Variants in LPP observed in about 807,000 individuals in gnomAD.
LPP encodes lipoma-preferred partner.
A neutral mutation model predicts 60.4 loss-of-function variants in LPP; 38 were observed. The ratio of observed to expected loss-of-function variants is 0.63; its 90% CI spans 0.49 to 0.83. The LOEUF is 0.83. Among genes scored for constraint, LPP ranks in the 40% least tolerant of loss-of-function variants. LPP has a pLI of 0.00. For synonymous variants in LPP, 328 were observed against 290.8 expected, an observed-to-expected ratio of 1.13 and a Z score of -1.30; for missense variants, 902 against 783.6, an observed-to-expected ratio of 1.15 and a Z score of -1.80.
In LPP at chr3:188,756,315, G is replaced by A. The variant is rs138123814; in HGVS notation, c.1241-3798G>A. The stretch of plus-strand genomic sequence containing the variant: ...CTGACAAAGTTCCCCATCGGCTGCC[G>A]GCCCTCTGTCATCGGATCTTTTGAT... On this transcript the variant is annotated intron_variant, in intron 8 of 11. Transcript: ENST00000617246. Among the ~76,000 whole-genome samples, 1,302 of 152,216 alleles carry A rather than the reference G, an allele frequency of 8.6e-3. 23 individuals are homozygous for A. Among genetic ancestry groups the A allele is most frequent in the African/African-American group, 0.029 (1,218 of 41,514 alleles).
chr3:188,184,599 C>T (rs749533950), intron 1 of LPP, among the ~76,000 whole-genome samples: 2 of 151,354 alleles, frequency 1.3e-5, no homozygotes, highest in African/African-American at 4.9e-5. Flanking sequence ...AAAAGCAGGT[C>T]GGACCCTAAT....
chr3:188,511,533 G>A (rs537124770), intron 5 of LPP, among the ~76,000 whole-genome samples: 2 of 152,030 alleles, frequency 1.3e-5, no homozygotes, highest in African/African-American at 4.8e-5. Context: ...TCTGCTTGGT[G>A]TTAGAAGGGA....
At chr3:188,648,823 T>C (rs1851566646) in intron 7 of LPP, among the ~76,000 whole-genome samples, 1 of 152,224 alleles carries the variant, frequency 6.6e-6, no homozygotes, top group South Asian at 2.1e-4. Flanking sequence ...CTTTCTATTT[T>C]ATTGTTGGCC....
rs71169028 is a variant in LPP, at chr3:188,883,732, C to CAAAA, written c.*9272_*9275dup. 9.6e-3 allele frequency: 676 copies of CAAAA among 70,128 alleles called. 37 individuals are homozygous for CAAAA. The highest frequency in any genetic ancestry group is 0.029 in the African/African-American group (407 of 14,268). The allele number at this position is 70,128 out of a possible 1,614,324, so 4.3% of individuals were successfully genotyped here. The stretch of plus-strand genomic sequence containing the variant: ...TGGGCGACAGAACGAGACTCCGTCT[C>CAAAA]AAAAAAAAAAAAAAAAAAAAAAGGT... On this transcript the variant is annotated 3_prime_UTR_variant, in exon 12 of 12. Transcript: ENST00000617246.
intron 3 of LPP, among the ~76,000 whole-genome samples, chr3:188,355,363 A>G (rs1177274579): frequency 6.6e-6 from 1 of 152,194 alleles, no homozygotes; most frequent in East Asian, 1.9e-4. Context: ...ACTCAGGTGT[A>G]GTAAGGTAAA....
chr3:188,728,756 C>G (rs1371409760), intron 8 of LPP, among the ~76,000 whole-genome samples: 4 of 151,864 alleles, frequency 2.6e-5, no homozygotes, highest in Non-Finnish European at 5.9e-5. Flanking sequence ...GTTGGTATGT[C>G]TACTAATGAC....
At chr3:188,713,344 C>T (rs1198920356) in intron 8 of LPP, among the ~76,000 whole-genome samples, 3 of 150,348 alleles carry the variant, frequency 2.0e-5, no homozygotes, top group Non-Finnish European at 3.0e-5. Context: ...ATTGAAGAGA[C>T]ATGCCATTCA....
intron 10 of LPP, among the ~76,000 whole-genome samples, chr3:188,871,544 C>T (rs1768087192): frequency 6.6e-6 from 1 of 152,120 alleles, no homozygotes; most frequent in Non-Finnish European, 1.5e-5. Context: ...ACAACCGTAA[C>T]GTGCTCTGCA....
chr3:188,248,667 A>G (rs1399781487), intron 2 of LPP, among the ~76,000 whole-genome samples: 4 of 151,618 alleles, frequency 2.6e-5, no homozygotes, highest in Non-Finnish European at 5.9e-5. Flanking sequence ...TTATCCAAGA[A>G]GGAGACTTCA....
intron 1 of LPP, among the ~76,000 whole-genome samples, chr3:188,197,650 G>A (rs900287601): frequency 7.9e-5 from 12 of 152,240 alleles, no homozygotes; most frequent in Non-Finnish European, 1.3e-4. Flanking sequence ...AAGAGTGAGG[G>A]TCAGGTGAGG....
rs1841453647 is a variant in LPP, at chr3:188,602,177, T to TATA, written c.430-6983_430-6981dup. 6.0e-4 allele frequency among the ~76,000 whole-genome samples: 69 copies of TATA among 115,166 alleles called. 1 individual carries two copies. The highest frequency in any genetic ancestry group is 2.1e-3 in the African/African-American group (65 of 31,580). The allele number at this position is 115,166 out of a possible 152,430, so 75.6% of individuals were successfully genotyped here. ...TAATATATATATAATATATATATAT[T>TATA]ATATATATATATGACATTCTTAATC... On this transcript the variant is annotated intron_variant, in intron 6 of 11. Coordinates refer to ENST00000617246, the MANE Select transcript of LPP (RefSeq NM_001375462.1).
chr3:188,253,568 G>A (rs1012898451), intron 2 of LPP, among the ~76,000 whole-genome samples: 1 of 152,194 alleles, frequency 6.6e-6, no homozygotes. Context: ...GTGTGAAGGA[G>A]AATGATGGTA....
chr3:188,190,097 C>T (rs1291818029), intron 1 of LPP, among the ~76,000 whole-genome samples: 1 of 150,736 alleles, frequency 6.6e-6, no homozygotes, highest in African/African-American at 2.4e-5. Context: ...GCTCTGTCAC[C>T]CAGGCTGGAG....
chr3:188,816,329 G>A (rs1051377115), intron 9 of LPP, among the ~76,000 whole-genome samples: 10 of 151,344 alleles, frequency 6.6e-5, no homozygotes, highest in Non-Finnish European at 1.5e-5. Context: ...AGCCTCCCGA[G>A]TAGCTGGGAC....
chr3:188,338,054 AC>A (rs1410934698), intron 2 of LPP, among the ~76,000 whole-genome samples: 2 of 152,212 alleles, frequency 1.3e-5, no homozygotes, highest in Non-Finnish European at 2.9e-5. Context: ...GTTGAGCATT[AC>A]CTTTAGGCCA....
intron 9 of LPP, among the ~76,000 whole-genome samples, chr3:188,792,196 C>T (rs1458536245): frequency 2.0e-5 from 3 of 152,124 alleles, no homozygotes; most frequent in Non-Finnish European, 2.9e-5. Flanking sequence ...AACAACTTAA[C>T]GCCCTTCAAG....
chr3:188,430,210 G>A (rs1479235730), intron 4 of LPP, among the ~76,000 whole-genome samples: 1 of 149,268 alleles, frequency 6.7e-6, no homozygotes, highest in Non-Finnish European at 1.5e-5. Context: ...TAAATTTTGA[G>A]GAAATAAGTT....
intron 4 of LPP, among the ~76,000 whole-genome samples, chr3:188,461,687 C>T (rs968473023): frequency 2.6e-5 from 4 of 152,086 alleles, no homozygotes; most frequent in Non-Finnish European, 4.4e-5. Context: ...TTGTGGTTTT[C>T]GTTTTTTGAC....
intron 3 of LPP, among the ~76,000 whole-genome samples, chr3:188,374,822 A>G (rs1774457810): frequency 6.6e-6 from 1 of 152,154 alleles, no homozygotes; most frequent in Admixed American, 6.5e-5. Flanking sequence ...TTGCCCATTC[A>G]GTATGATATT....
Sources: gnomAD v4.1 joint callset for allele counts (sites outside exome capture counted in the v4.1 genomes callset) on GRCh38, gnomAD v4.1.1 for gene constraint, MANE v1.5 for transcripts, NCBI Gene and HGNC (gene_info 2026-07-23, HGNC 2026-07-21) for gene names.